Variants in FAAP20 observed in about 807,000 individuals in gnomAD.
The protein encoded by FAAP20 is FA core complex associated protein 20.
A neutral mutation model predicts 16.2 loss-of-function variants in FAAP20; 12 were observed. The ratio of observed to expected loss-of-function variants is 0.74; its 90% CI spans 0.48 to 1.20. The LOEUF (loss-of-function observed/expected upper bound fraction) is 1.20. Ranked by LOEUF, FAAP20 falls within the 50% of genes most tolerant of loss-of-function variation. FAAP20 has a pLI of 0.00. For missense variants in FAAP20, 288 were observed against 245.8 expected, an observed-to-expected ratio of 1.17 and a Z score of -1.15; for synonymous variants, 141 against 110.7, an observed-to-expected ratio of 1.27 and a Z score of -1.72.
At chr1:2,194,168 CAGT>C (rs1478272143) in intron 1 of FAAP20, 35 bp from the exon 2 acceptor site, 2 of 1,608,724 alleles carry the variant, frequency 1.2e-6, no homozygotes, top group South Asian at 2.2e-5. Flanking sequence ...AGGGGGTACT[CAGT>C]AGCGGAAACG....
At position 2,189,731 on chromosome 1, in the gene FAAP20, C is replaced by A; in HGVS notation, c.521G>T (p.Ser174Ile). 6.2e-7 allele frequency: 1 copy of A among 1,611,042 alleles called. No homozygotes were observed. The highest frequency in any genetic ancestry group is 8.5e-7 in the Non-Finnish European group (1 of 1,178,618). Residue 174 changes from serine to isoleucine, a missense_variant, in exon 4 of 4, where the codon AGC becomes ATC. Ser to Ile is a moderately radical substitution (Grantham distance 142). Coordinates refer to ENST00000378546, the MANE Select transcript of FAAP20 (RefSeq NM_182533.4). ...CGCTCACCACGTCACGTCTTCTGTG[C>A]TTTCGGCCAAGCACTGGGCCAGGTG... ...DSHLAQCLAE[S>I]TEDVTW
upstream of FAAP20, chr1:2,203,735 G>T (rs1689135565): frequency 5.2e-6 from 4 of 769,706 alleles, no homozygotes; most frequent in Non-Finnish European, 6.3e-6. Context: ...CTGGCCTCAG[G>T]CCTCAGGGCA....
At chr1:2,185,360 G>C (rs957902508), downstream of FAAP20, 1 of 718,864 alleles carries the variant, frequency 1.4e-6, no homozygotes. Context: ...TGAGCGTGTA[G>C]CGTCCTGAGG....
downstream of FAAP20, among the ~76,000 whole-genome samples, chr1:2,211,532 C>T (rs1407916501): frequency 6.4e-5 from 9 of 141,046 alleles, no homozygotes; most frequent in African/African-American, 8.2e-5. Flanking sequence ...CTACAAGTTC[C>T]GCCTCCCAGG....
At chr1:2,210,587 C>T (rs1396621050), downstream of FAAP20, among the ~76,000 whole-genome samples, 1 of 152,174 alleles carries the variant, frequency 6.6e-6, no homozygotes, top group Non-Finnish European at 1.5e-5. Flanking sequence ...GGGGGTGGCT[C>T]CTCGGGGCTC....
At chr1:2,187,280 ATTTTCTTTTTTT>A (rs1447491037), downstream of FAAP20, 5 of 380,542 alleles carry the variant, frequency 1.3e-5, no homozygotes, top group Admixed American at 1.2e-4. Context: ...TTCTGAAGCC[ATTTTCTTTTTTT>A]TTTTCTTTTT....
chr1:2,203,484 C>T (rs1689125495), upstream of FAAP20: 3 of 985,602 alleles, frequency 3.0e-6, no homozygotes, highest in African/African-American at 1.7e-5. Context: ...CAGGTGTTCT[C>T]GCTCTGGGGT....
At chr1:2,203,225 G>T (rs1245473061), upstream of FAAP20, among the ~76,000 whole-genome samples, 1 of 152,204 alleles carries the variant, frequency 6.6e-6, no homozygotes, top group Non-Finnish European at 1.5e-5. Context: ...TTCGCCTGCA[G>T]CCCAGGTGGG....
chr1:2,211,400 TA>T (rs1689433852), downstream of FAAP20, among the ~76,000 whole-genome samples: 2 of 8,332 alleles, frequency 2.4e-4, no homozygotes, highest in Admixed American at 2.7e-3. Flanking sequence ...TGGCTAATTT[TA>T]TATATATATA....
intron 3 of FAAP20, chr1:2,190,262 A>G (rs769752877): frequency 4.4e-6 from 2 of 456,928 alleles, no homozygotes; most frequent in Non-Finnish European, 8.8e-6. Flanking sequence ...GGAGGGACCA[A>G]GCCTCACCAC....
At chr1:2,202,417 C>T (rs994092989), upstream of FAAP20, among the ~76,000 whole-genome samples, 5 of 152,192 alleles carry the variant, frequency 3.3e-5, no homozygotes, top group African/African-American at 1.2e-4. Context: ...CGATTCACTG[C>T]AACCTCCACC....
downstream of FAAP20, among the ~76,000 whole-genome samples, chr1:2,208,290 G>A (rs1217419743): frequency 6.6e-6 from 1 of 152,108 alleles, no homozygotes; most frequent in Non-Finnish European, 1.5e-5. Flanking sequence ...CTGCCTCCCT[G>A]CAGTGCACGT....
chr1:2,192,368 C>T (rs1688326710), intron 3 of FAAP20: 2 of 994,854 alleles, frequency 2.0e-6, no homozygotes, highest in African/African-American at 3.5e-5. Flanking sequence ...GACCTGACTT[C>T]ATTGACGCCT....
chr1:2,209,798 A>G (rs1689387180), downstream of FAAP20, among the ~76,000 whole-genome samples: 1 of 152,022 alleles, frequency 6.6e-6, no homozygotes, highest in Non-Finnish European at 1.5e-5. Context: ...TGCCCTGCTC[A>G]CACCCCCAGG....
intron 3 of FAAP20, chr1:2,192,502 C>G: frequency 1.0e-6 from 1 of 996,202 alleles, no homozygotes; most frequent in South Asian, 4.4e-5. Context: ...TCTGGAAAAG[C>G]AGGCGATGCA....
chr1:2,195,135 C>T (rs1030658570), upstream of FAAP20, among the ~76,000 whole-genome samples: 2 of 152,242 alleles, frequency 1.3e-5, no homozygotes, highest in African/African-American at 4.8e-5. Context: ...CCTCTCCTCC[C>T]AGGACCATTC....
upstream of FAAP20, among the ~76,000 whole-genome samples, chr1:2,196,146 C>T (rs1208428452): frequency 6.6e-6 from 1 of 152,222 alleles, no homozygotes; most frequent in Non-Finnish European, 1.5e-5. This position sits in a 1 kb window ranked among gnomAD's most constrained non-coding sequence, Gnocchi z 4.5. Context: ...GTGTCCAGGG[C>T]TCCCCGACAG....
chr1:2,191,796 C>T, intron 3 of FAAP20: 1 of 980,920 alleles, frequency 1.0e-6, no homozygotes, highest in South Asian at 4.7e-5. Flanking sequence ...TCAACAGAGA[C>T]AAAACGCAGC....
chr1:2,185,546 C>T, downstream of FAAP20: 1 of 712,810 alleles, frequency 1.4e-6, no homozygotes, highest in Non-Finnish European at 2.6e-6. Context: ...AGAATTGTTT[C>T]CTAAAAACCC....
Sources: gnomAD v4.1 joint callset for allele counts (sites outside exome capture counted in the v4.1 genomes callset) on GRCh38, gnomAD v4.1.1 for gene constraint, Gnocchi (gnomAD v3.1) non-coding constraint, MANE v1.5 for transcripts, NCBI Gene and HGNC (gene_info 2026-07-23, HGNC 2026-07-21) for gene names.